The following TPO variants were observed in gnomAD, a reference collection of about 807,000 sequenced individuals.
The protein encoded by TPO is thyroid peroxidase.
TPO carries 78 observed loss-of-function variants against 96.9 expected under a neutral mutation model. The observed-to-expected ratio is 0.81, with a 90% confidence interval of 0.67 to 0.97. TPO has a LOEUF of 0.97. Among genes scored for constraint, TPO ranks in the 50% least tolerant of loss-of-function variants. The probability of loss-of-function intolerance (pLI) is 0.00; values close to 1 mark genes in which losing one functional copy is unlikely to be tolerated. For missense variants in TPO, 1,252 were observed against 1,274.8 expected (o/e 0.98, Z 0.27); for synonymous variants, 547 against 538.0 (o/e 1.02, Z -0.23).
rs760307139 is a variant in TPO, at chr2:1,503,975, AC to A, written c.2421del (p.Cys808AlafsTer24). ...KDVNECADGA[H>X]PPCHASARCR... ...GTGAACGAGTGTGCAGACGGTGCCC[AC>A]CCCCCCTGCCACGCCTCTGCGAGGT... is the stretch of plus-strand genomic sequence containing the variant. On this transcript the variant is annotated frameshift_variant, in exon 14 of 17. Transcript: ENST00000329066. LOFTEE classifies it high-confidence loss of function. The A allele has an allele frequency of 9.9e-6, 16 of 1,611,564 alleles. No individual in the cohort carries two copies. Among genetic ancestry groups the A allele is most frequent in the Non-Finnish European group, 1.2e-5 (14 of 1,179,446 alleles).
chr2:1,516,212 C>T (rs570598141), intron 14 of TPO, among the ~76,000 whole-genome samples: 18 of 152,184 alleles, frequency 1.2e-4, no homozygotes, highest in Non-Finnish European at 1.8e-4. Flanking sequence ...GGCTCCTGGG[C>T]TGCCTCTCTC....
At chr2:1,377,340 T>C (rs1343440919) in intron 1 of TPO, among the ~76,000 whole-genome samples, 1 of 152,202 alleles carries the variant, frequency 6.6e-6, no homozygotes, top group Non-Finnish European at 1.5e-5. Flanking sequence ...ACAAGGATAA[T>C]ACAGGGAGCC....
At chr2:1,500,812 A>G (rs1271950285) in intron 13 of TPO, among the ~76,000 whole-genome samples, 1 of 152,014 alleles carries the variant, frequency 6.6e-6, no homozygotes, top group Non-Finnish European at 1.5e-5. Flanking sequence ...TAAAAATACA[A>G]AGAAGAAAAA....
At position 1,419,390 on chromosome 2, in the gene TPO, C is replaced by T. The variant is rs1476760677; in HGVS notation, c.95-3655C>T. Among the ~76,000 whole-genome samples, 8 of 152,316 alleles carry T rather than the reference C, an allele frequency of 5.3e-5. No homozygotes were observed. In the East Asian group the frequency reaches 9.7e-4, roughly 18 times the overall value. ...GCTAACGATAGCAAGGGGCTCAGAG[C>T]TGGCCACCCCAGCTCCCTGGTGGCA... On this transcript the variant is annotated intron_variant, in intron 2 of 16. Coordinates refer to ENST00000329066, the MANE Select transcript of TPO (RefSeq NM_001206744.2).
At chr2:1,467,588 G>A (rs1051094456) in intron 7 of TPO, among the ~76,000 whole-genome samples, 2 of 152,116 alleles carry the variant, frequency 1.3e-5, no homozygotes, top group Non-Finnish European at 2.9e-5. Flanking sequence ...ATTTATTGAG[G>A]CTTATTTTGA....
At chr2:1,416,612 G>A (rs1180818550) in intron 2 of TPO, among the ~76,000 whole-genome samples, 1 of 152,228 alleles carries the variant, frequency 6.6e-6, no homozygotes, top group Non-Finnish European at 1.5e-5. Context: ...GACAGCAGCT[G>A]ACAACTGCCC....
At chr2:1,505,622 TAAA>T (rs138861563) in intron 14 of TPO, among the ~76,000 whole-genome samples, 1 of 149,868 alleles carries the variant, frequency 6.7e-6, no homozygotes, top group Non-Finnish European at 1.5e-5. Context: ...TTATTTCTTC[TAAA>T]AAAAAAGTGA....
upstream of TPO, among the ~76,000 whole-genome samples, chr2:1,410,949 A>C (rs35743195): frequency 2.6e-5 from 4 of 151,982 alleles, no homozygotes; most frequent in Non-Finnish European, 4.4e-5. Context: ...CGTCTTCCCA[A>C]TGCTCCTTTC....
chr2:1,436,750 T>A (rs1273769226), intron 5 of TPO, among the ~76,000 whole-genome samples: 1 of 152,174 alleles, frequency 6.6e-6, no homozygotes, highest in African/African-American at 2.4e-5. Flanking sequence ...CCCAAGACTG[T>A]CACTTTTACC....
At chr2:1,375,457 ACT>A in intron 1 of TPO, among the ~76,000 whole-genome samples, 2 of 152,120 alleles carry the variant, frequency 1.3e-5, no homozygotes, top group East Asian at 3.9e-4. Flanking sequence ...GGTTTTGGGA[ACT>A]TTAAAGGGGA....
At chr2:1,375,197 G>A (rs4076290) in intron 1 of TPO, among the ~76,000 whole-genome samples, 72,732 of 151,898 alleles carry the variant, frequency 0.48, 19,768 homozygotes, top group Non-Finnish European at 0.6. Flanking sequence ...GAAAAATCAT[G>A]TTGGTTAGGC....
At chr2:1,515,912 G>A (rs564921977) in intron 14 of TPO, among the ~76,000 whole-genome samples, 44 of 152,230 alleles carry the variant, frequency 2.9e-4, no homozygotes, top group Middle Eastern at 3.4e-3. Flanking sequence ...AAAAAACGCT[G>A]ATTGGTAGTA....
chr2:1,458,213 A>G (rs1289215638), intron 7 of TPO, among the ~76,000 whole-genome samples: 6 of 152,028 alleles, frequency 3.9e-5, no homozygotes, highest in Non-Finnish European at 7.4e-5. Context: ...TATATGGCAT[A>G]TAAGATACTG....
chr2:1,431,511 T>C (rs1664975405), intron 3 of TPO, among the ~76,000 whole-genome samples: 1 of 152,234 alleles, frequency 6.6e-6, no homozygotes, highest in Non-Finnish European at 1.5e-5. Context: ...TTTATTTTTA[T>C]TGTATGTATT....
chr2:1,520,596 A>G (rs1675156139), intron 15 of TPO, among the ~76,000 whole-genome samples: 1 of 152,154 alleles, frequency 6.6e-6, no homozygotes, highest in Admixed American at 6.5e-5. Flanking sequence ...TTGTTGATAT[A>G]TTTTCACTGC....
intron 7 of TPO, among the ~76,000 whole-genome samples, chr2:1,474,730 C>T (rs1249803127): frequency 1.3e-5 from 2 of 152,174 alleles, no homozygotes; most frequent in Admixed American, 6.5e-5. Context: ...CATATACAGT[C>T]GCTCCTGGTT....
rs567009681 is a variant in TPO, at chr2:1,493,637, C to T, written c.1769-165C>T. Among the ~76,000 whole-genome samples, 7 of 149,936 alleles carry T rather than the reference C, an allele frequency of 4.7e-5. No homozygotes were observed. The South Asian group carries it at 6.3e-4, about 13-fold the overall frequency. On this transcript the variant is annotated intron_variant, in intron 10 of 16. Transcript: ENST00000329066. ...GGTGGGACAGGACTCTGCCGGGCGT[C>T]GGAGCTGGAATATCCTAGCCTGGCA... is the stretch of plus-strand genomic sequence containing the variant.
Position 1,413,550 on chromosome 2 carries a change from G to T in TPO, c.-2+5G>T, listed in dbSNP as rs1186481393. The T allele has an allele frequency of 1.8e-6, 1 of 546,856 alleles. No homozygotes were observed. Among genetic ancestry groups the T allele is most frequent in the Non-Finnish European group, 2.3e-6 (1 of 429,362 alleles). 33.9% of individuals were successfully genotyped at this position (546,856 alleles called of 1,614,324 possible). A position where few individuals can be genotyped will look rare whatever the true frequency, so the allele number is the denominator to read the frequency against. ...TGGCTGAGAAGAGGAAAAAAGGTCA[G>T]GTTGTAAAGCTTTTTATTTTTCCAT... is the stretch of plus-strand genomic sequence containing the variant. On this transcript the variant is annotated splice_donor_5th_base_variant and intron_variant, in intron 1 of 16. Coordinates refer to ENST00000329066, the MANE Select transcript of TPO (RefSeq NM_001206744.2).
At chr2:1,435,222 C>T (rs370904540) in intron 4 of TPO, among the ~76,000 whole-genome samples, 1 of 152,306 alleles carries the variant, frequency 6.6e-6, no homozygotes, top group East Asian at 1.9e-4. Context: ...CGTGAGCCAC[C>T]GTACCCGGCC....
Sources: gnomAD v4.1 joint callset for allele counts (sites outside exome capture counted in the v4.1 genomes callset) on GRCh38, gnomAD v4.1.1 for gene constraint, MANE v1.5 for transcripts, NCBI Gene and HGNC (gene_info 2026-07-23, HGNC 2026-07-21) for gene names.